MGAT4C: variants seen among roughly 807,000 people sequenced by gnomAD.
MGAT4C encodes the protein MGAT4 family member C.
A neutral mutation model predicts 40.1 loss-of-function variants in MGAT4C; 19 were observed. The observed-to-expected ratio is 0.47, with a 90% CI of 0.33 to 0.70. The LOEUF is 0.70. Among genes scored for constraint, MGAT4C ranks in the 30% least tolerant of loss-of-function variants. The pLI is 0.02. For missense variants in MGAT4C, 491 were observed against 563.2 expected (o/e 0.87, Z 1.30); for synonymous variants, 181 against 187.1 (o/e 0.97, Z 0.27).
intron 1 of MGAT4C, among the ~76,000 whole-genome samples, chr12:86,746,656 T>TA (rs1951158661): frequency 6.6e-6 from 1 of 151,592 alleles, no homozygotes. Context: ...CATTTTCTCT[T>TA]ACAATAATCA....
chr12:86,818,042 C>T (rs1952637752), intron 1 of MGAT4C, among the ~76,000 whole-genome samples: 1 of 151,348 alleles, frequency 6.6e-6, no homozygotes, highest in African/African-American at 2.4e-5. Flanking sequence ...TGAATATTAA[C>T]AGCAAAAGGT....
intron 3 of MGAT4C, among the ~76,000 whole-genome samples, chr12:86,393,308 A>T (rs1238243574): frequency 6.6e-6 from 1 of 152,192 alleles, no homozygotes; most frequent in Non-Finnish European, 1.5e-5. Context: ...TCACTTTCTT[A>T]ATTACAGCAT....
intron 1 of MGAT4C, among the ~76,000 whole-genome samples, chr12:86,831,719 G>T (rs932634445): frequency 2.0e-5 from 3 of 151,680 alleles, no homozygotes; most frequent in Non-Finnish European, 4.4e-5. Context: ...TAAGATGATA[G>T]GGCCTAATAA....
chr12:86,411,621 T>C (rs1401219294), intron 3 of MGAT4C, among the ~76,000 whole-genome samples: 1 of 152,208 alleles, frequency 6.6e-6, no homozygotes, highest in Non-Finnish European at 1.5e-5. Flanking sequence ...AGAAATTATA[T>C]TTAAAAGGGA....
intron 1 of MGAT4C, among the ~76,000 whole-genome samples, chr12:86,252,649 T>G (rs529927850): frequency 7.6e-4 from 116 of 152,044 alleles, no homozygotes; most frequent in African/African-American, 2.7e-3. Context: ...TTGTCTCTAG[T>G]TTGCTTGTTC....
intron 3 of MGAT4C, among the ~76,000 whole-genome samples, chr12:86,346,101 T>C (rs550546795): frequency 6.2e-4 from 95 of 152,352 alleles, no homozygotes; most frequent in African/African-American, 2.2e-3. Flanking sequence ...TTAAATGCTA[T>C]TTATATAAAT....
intron 1 of MGAT4C, among the ~76,000 whole-genome samples, chr12:86,190,290 A>C (rs2135897593): frequency 6.6e-6 from 1 of 151,208 alleles, no homozygotes; most frequent in South Asian, 2.1e-4. Flanking sequence ...AAAATCAATT[A>C]GAAAGATTAT....
chr12:86,126,436 C>T (rs1880275551), intron 1 of MGAT4C, among the ~76,000 whole-genome samples: 1 of 151,908 alleles, frequency 6.6e-6, no homozygotes, highest in Non-Finnish European at 1.5e-5. Flanking sequence ...ATTAAAAAAG[C>T]CAGTTTAACC....
At chr12:86,769,614 C>A (rs1197907044) in intron 1 of MGAT4C, among the ~76,000 whole-genome samples, 1 of 152,012 alleles carries the variant, frequency 6.6e-6, no homozygotes, top group Non-Finnish European at 1.5e-5. Context: ...TGGAACCAAC[C>A]CAAATATCCA....
chr12:86,375,477 T>C (rs778855162), intron 3 of MGAT4C, among the ~76,000 whole-genome samples: 4 of 152,104 alleles, frequency 2.6e-5, no homozygotes, highest in Non-Finnish European at 4.4e-5. Context: ...GGTTTATTTT[T>C]TTTTCTTTAT....
upstream of MGAT4C, among the ~76,000 whole-genome samples, chr12:86,260,706 A>G (rs374384171): frequency 4.6e-5 from 7 of 152,118 alleles, no homozygotes; most frequent in African/African-American, 1.4e-4. Context: ...TTTATGCACC[A>G]TGACAAGGAG....
chr12:86,020,927 G>T (rs1272620615), intron 2 of MGAT4C, among the ~76,000 whole-genome samples: 17 of 152,178 alleles, frequency 1.1e-4, no homozygotes, highest in Admixed American at 7.9e-4. Flanking sequence ...AGTGGGCAGA[G>T]GATATGAACA....
At chr12:86,435,714 C>T (rs1957124723) in intron 2 of MGAT4C, among the ~76,000 whole-genome samples, 1 of 151,720 alleles carries the variant, frequency 6.6e-6, no homozygotes, top group South Asian at 2.1e-4. Flanking sequence ...TTGCAAAAAA[C>T]CCACATCAAT....
intron 2 of MGAT4C, among the ~76,000 whole-genome samples, chr12:86,605,841 C>A (rs922161040): frequency 6.6e-6 from 1 of 151,966 alleles, no homozygotes; most frequent in East Asian, 1.9e-4. Flanking sequence ...AGTTTATAGG[C>A]TAAGAGAAAA....
chr12:86,373,800 T>C (rs1955769254), intron 3 of MGAT4C, among the ~76,000 whole-genome samples: 1 of 151,974 alleles, frequency 6.6e-6, no homozygotes, highest in African/African-American at 2.4e-5. Context: ...CAATATCCAT[T>C]GAACACCACC....
At position 86,492,253 on chromosome 12, in the gene MGAT4C, A is replaced by T. The variant is rs896844355; in HGVS notation, c.-228-56988T>A. Among the ~76,000 whole-genome samples the T allele has an allele frequency of 2.0e-5, 3 of 152,202 alleles. No individual in the cohort carries two copies. In the South Asian group the frequency reaches 6.2e-4, roughly 32 times the overall value. ...AAGTTATAGATTCAATGTCATCCCC[A>T]TCAAGCTACCAATGACTTTCTTCAC... On this transcript the variant is annotated intron_variant, in intron 2 of 7. Coordinates refer to the MGAT4C transcript ENST00000548651.
intron 3 of MGAT4C, among the ~76,000 whole-genome samples, chr12:86,399,284 T>TA (rs1480077039): frequency 6.6e-6 from 1 of 151,264 alleles, no homozygotes; most frequent in Admixed American, 6.6e-5. Flanking sequence ...TCCAATTACA[T>TA]ATTTCTTTTC....
chr12:86,208,967 C>T (rs1950359092), intron 1 of MGAT4C, among the ~76,000 whole-genome samples: 1 of 152,088 alleles, frequency 6.6e-6, no homozygotes, highest in African/African-American at 2.4e-5. Flanking sequence ...AAAAATGATT[C>T]TCAATTTTTC....
At chr12:86,482,067 T>TACACACACACACAC (rs10526768) in intron 2 of MGAT4C, among the ~76,000 whole-genome samples, 27 of 143,200 alleles carry the variant, frequency 1.9e-4, no homozygotes, top group Admixed American at 3.6e-4. Context: ...AACATGTCAC[T>TACACACACACACAC]ACACACACAC....
Sources: allele counts gnomAD v4.1 joint callset (sites outside exome capture counted in the v4.1 genomes callset), GRCh38; gene constraint gnomAD v4.1.1; transcripts MANE v1.5; gene names NCBI Gene and HGNC (gene_info 2026-07-23, HGNC 2026-07-21).